FUT9: variants seen among roughly 807,000 people sequenced by gnomAD.
FUT9 encodes the protein fucosyltransferase 9.
In FUT9, 15 loss-of-function variants were observed where a neutral mutation model predicts 29.7. The observed-to-expected ratio is 0.51, with a 90% CI of 0.34 to 0.78. FUT9 has a LOEUF of 0.78. FUT9 is among the 30% of genes least tolerant of loss of function. The probability of loss-of-function intolerance (pLI) is 0.01; values close to 1 mark genes in which losing one functional copy is unlikely to be tolerated. For missense variants in FUT9, 319 were observed against 425.4 expected (o/e 0.75, Z 2.20); for synonymous variants, 169 against 153.7 (o/e 1.10, Z -0.74).
chr6:96,047,043 C>T (rs893539180), intron 1 of FUT9, among the ~76,000 whole-genome samples: 2 of 152,176 alleles, frequency 1.3e-5, no homozygotes, highest in African/African-American at 4.8e-5. Context: ...CAAATCCAAG[C>T]TCTATTTGGT....
intron 1 of FUT9, among the ~76,000 whole-genome samples, chr6:96,034,516 T>G (rs536574971): frequency 6.6e-6 from 1 of 151,884 alleles, no homozygotes; most frequent in Non-Finnish European, 1.5e-5. Flanking sequence ...ATTTTTTAAA[T>G]TATTGTCTTT....
At chr6:96,163,839 T>C (rs1772959233) in intron 2 of FUT9, among the ~76,000 whole-genome samples, 1 of 152,222 alleles carries the variant, frequency 6.6e-6, no homozygotes. Flanking sequence ...CTTTACATTT[T>C]GTAGCTAAAA....
At chr6:96,070,281 G>T (rs769763794) in intron 1 of FUT9, among the ~76,000 whole-genome samples, 1 of 152,022 alleles carries the variant, frequency 6.6e-6, no homozygotes, top group East Asian at 1.9e-4. Flanking sequence ...ACAGAAAAAA[G>T]ACATTTATTT....
chr6:96,090,041 T>TTAA (rs1771384731), intron 1 of FUT9, among the ~76,000 whole-genome samples: 1 of 152,242 alleles, frequency 6.6e-6, no homozygotes, highest in Admixed American at 6.5e-5. Flanking sequence ...AACACACTTC[T>TTAA]ATAAAATTAT....
chr6:96,155,530 G>T (rs1195358300), intron 2 of FUT9, among the ~76,000 whole-genome samples: 1 of 152,022 alleles, frequency 6.6e-6, no homozygotes, highest in African/African-American at 2.4e-5. Flanking sequence ...AAAATTAGCT[G>T]GGCGTGGTGG....
chr6:96,159,689 T>C (rs1459032995), intron 2 of FUT9, among the ~76,000 whole-genome samples: 1 of 152,152 alleles, frequency 6.6e-6, no homozygotes. Context: ...CAAGTTCCAT[T>C]CATTTAGCTC....
In FUT9 at chr6:96,084,076, G is replaced by A. The variant is rs144489128; in HGVS notation, c.-97-29963G>A. Among the ~76,000 whole-genome samples, 322 of 152,118 alleles carry A rather than the reference G, an allele frequency of 2.1e-3. 4 individuals carry two copies. Among genetic ancestry groups the A allele is most frequent in the African/African-American group, 7.1e-3 (293 of 41,522 alleles). ...TAGATATTTAGTTGAGATTTGGGGC[G>A]TCTTCTTAATTCTAGCCATAACAAT... On this transcript the variant is annotated intron_variant, in intron 1 of 2. Coordinates refer to ENST00000302103, the MANE Select transcript of FUT9 (RefSeq NM_006581.4).
chr6:96,147,413 C>A (rs1205141965), intron 2 of FUT9, among the ~76,000 whole-genome samples: 1 of 152,112 alleles, frequency 6.6e-6, no homozygotes, highest in African/African-American at 2.4e-5. Flanking sequence ...AGGTGATCCG[C>A]CTGCCTCAGC....
rs976600358 is a variant in FUT9, at chr6:96,190,463, G to T, written c.-8-12685G>T. ...ATTTGAATGTTGGCCTGCCTTGCTA[G>T]GTTGGGGAAGTTCTCCTGGATAATA... On this transcript the variant is annotated intron_variant, in intron 2 of 2. Coordinates refer to ENST00000302103, the MANE Select transcript of FUT9 (RefSeq NM_006581.4). Among the ~76,000 whole-genome samples, 6 of 152,116 alleles carry T rather than the reference G, an allele frequency of 3.9e-5. 1 individual carries two copies. Among genetic ancestry groups the T allele is most frequent in the Admixed American group, 2.6e-4 (4 of 15,264 alleles).
At chr6:96,068,264 G>GA (rs1770996736) in intron 1 of FUT9, among the ~76,000 whole-genome samples, 1 of 151,574 alleles carries the variant, frequency 6.6e-6, no homozygotes, top group South Asian at 2.1e-4. Flanking sequence ...TATAAGAAAA[G>GA]AAAAAAAGAC....
At chr6:96,190,247 T>G (rs1773480737) in intron 2 of FUT9, among the ~76,000 whole-genome samples, 1 of 152,198 alleles carries the variant, frequency 6.6e-6, no homozygotes, top group South Asian at 2.1e-4. Context: ...CACTCTCTTC[T>G]GGCTTGTAGA....
chr6:96,025,986 T>C (rs1298872029), intron 1 of FUT9, among the ~76,000 whole-genome samples: 2 of 151,622 alleles, frequency 1.3e-5, no homozygotes, highest in African/African-American at 4.8e-5. Flanking sequence ...GTATACACAT[T>C]ACAAACAAAA....
intron 2 of FUT9, among the ~76,000 whole-genome samples, chr6:96,166,481 T>A (rs1184417704): frequency 7.9e-5 from 12 of 152,252 alleles, no homozygotes; most frequent in African/African-American, 2.9e-4. Context: ...TTGAACAATC[T>A]GTTTTTTAAA....
intron 2 of FUT9, among the ~76,000 whole-genome samples, chr6:96,157,864 G>C (rs1772819978): frequency 1.3e-5 from 2 of 151,998 alleles, no homozygotes; most frequent in Non-Finnish European, 2.9e-5. Context: ...CTGTTCTTTA[G>C]AGACAGGCTC....
chr6:96,061,391 A>T (rs560811717), intron 1 of FUT9, among the ~76,000 whole-genome samples: 1 of 150,186 alleles, frequency 6.7e-6, no homozygotes, highest in Non-Finnish European at 1.5e-5. Context: ...TCTCTTCTTT[A>T]TTTGTTTTTA....
chr6:96,100,314 A>C (rs1439692068), intron 1 of FUT9, among the ~76,000 whole-genome samples: 1 of 152,088 alleles, frequency 6.6e-6, no homozygotes, highest in Non-Finnish European at 1.5e-5. Flanking sequence ...CTCCAAAGTT[A>C]CAACATAAAT....
At chr6:96,168,560 T>C (rs1013862255) in intron 2 of FUT9, among the ~76,000 whole-genome samples, 2 of 152,126 alleles carry the variant, frequency 1.3e-5, no homozygotes, top group Non-Finnish European at 2.9e-5. Context: ...AGACTGAGAA[T>C]TGACCATTAA....
At chr6:96,084,068 T>C (rs1771280388) in intron 1 of FUT9, among the ~76,000 whole-genome samples, 1 of 152,058 alleles carries the variant, frequency 6.6e-6, no homozygotes, top group South Asian at 2.1e-4. Context: ...TTAGTTGAGA[T>C]TTGGGGCGTC....
chr6:96,116,166 T>C (rs2127962728), intron 2 of FUT9, among the ~76,000 whole-genome samples: 1 of 152,300 alleles, frequency 6.6e-6, no homozygotes, highest in East Asian at 1.9e-4. Flanking sequence ...TATGGATGAC[T>C]AATAAGAATA....
Sources: gnomAD v4.1 joint callset for allele counts (sites outside exome capture counted in the v4.1 genomes callset) on GRCh38, gnomAD v4.1.1 for gene constraint, MANE v1.5 for transcripts, NCBI Gene and HGNC (gene_info 2026-07-23, HGNC 2026-07-21) for gene names.